ZNF143: variants seen among roughly 807,000 people sequenced by gnomAD.
The protein encoded by ZNF143 is SPH-binding factor.
Under a neutral mutation model 74.1 loss-of-function variants are expected in ZNF143, and 49 were observed. The ratio of observed to expected loss-of-function variants is 0.66; its 90% CI spans 0.53 to 0.84. The LOEUF (loss-of-function observed/expected upper bound fraction) is 0.84, where lower values mean the gene tolerates loss of function less well. Ranked by LOEUF, ZNF143 falls within the 40% of genes least tolerant of loss-of-function variation. The pLI, the probability that ZNF143 is intolerant of heterozygous loss-of-function variation, is 0.00. For synonymous variants in ZNF143, 304 were observed against 282.8 expected (o/e 1.07, Z -0.75); for missense variants, 637 against 793.4 (o/e 0.80, Z 2.37).
intron 1 of ZNF143, among the ~76,000 whole-genome samples, chr11:9,464,086 TTGTGTGTGTGTGTGTG>T: frequency 8.1e-6 from 1 of 124,128 alleles, no homozygotes; most frequent in African/African-American, 2.6e-5. Context: ...GTGTGTGTGT[TTGTGTGTGTGTGTGTG>T]TGTGTGTGTG....
intron 15 of ZNF143, among the ~76,000 whole-genome samples, chr11:9,527,168 T>C (rs1398331457): frequency 6.6e-6 from 1 of 150,636 alleles, no homozygotes; most frequent in Non-Finnish European, 1.5e-5. Flanking sequence ...TGGGGCGTTT[T>C]GCCATGTTGC....
At chr11:9,463,990 C>T (rs1301115593) in intron 1 of ZNF143, 2 of 151,938 alleles carry the variant, frequency 1.3e-5, no homozygotes, top group Non-Finnish European at 2.9e-5. Context: ...TCCCACTTAC[C>T]ATATATCTTG....
chr11:9,504,716 C>T (rs1848292396), intron 11 of ZNF143, among the ~76,000 whole-genome samples: 1 of 113,194 alleles, frequency 8.8e-6, no homozygotes, highest in African/African-American at 2.8e-5. Flanking sequence ...GCTCTGTTGC[C>T]CAGGCTGGAG....
chr11:9,484,799 G>GCTTTTTTTTTTT (rs1316309780), intron 7 of ZNF143, among the ~76,000 whole-genome samples: 2 of 24,244 alleles, frequency 8.2e-5, no homozygotes, highest in African/African-American at 1.9e-4. Flanking sequence ...CCTGGCCAAA[G>GCTTTTTTTTTTT]ATTTTTTTTT....
chr11:9,471,413 C>T lies in ZNF143; in HGVS notation c.105C>T (p.Thr35=), dbSNP rs563295110. Residue 35 remains threonine, a synonymous_variant, in exon 2 of 16, where the codon ACC becomes ACT. Transcript: ENST00000396602. The part of the protein sequence containing the change: ...HVTLCLTEAV[T]VADGDNLENM... ...CGCTGTGCTTGACAGAGGCAGTCAC[C>T]GTGGCAGGTGAGCAGTTGTGTTTGA... 70 of 1,597,392 alleles carry T rather than the reference C, an allele frequency of 4.4e-5. No homozygotes were observed. Among genetic ancestry groups the T allele is most frequent in the East Asian group, 3.4e-4 (15 of 44,070 alleles).
Position 9,494,836 on chromosome 11 carries a change from T to A in ZNF143, c.765+71T>A, listed in dbSNP as rs1847904514. 8 of 1,476,712 alleles carry A rather than the reference T, an allele frequency of 5.4e-6. No individual in the cohort carries two copies. In the Admixed American group the frequency reaches 1.6e-4, roughly 29 times the overall value. The allele number at this position is 1,476,712 out of a possible 1,614,324, so 91.5% of individuals were successfully genotyped here. A position where few individuals can be genotyped will look rare whatever the true frequency, so the allele number is the denominator to read the frequency against. ...ATATTAAATACTAAGATCATATTTTTGTGTAATTCAAATGCCACTGTTTTC... is the reference window on the plus strand; with the variant it reads ...ATATTAAATACTAAGATCATATTTTAGTGTAATTCAAATGCCACTGTTTTC... On this transcript the variant is annotated intron_variant, in intron 8 of 15. Coordinates refer to ENST00000396602, the MANE Select transcript of ZNF143 (RefSeq NM_003442.6).
chr11:9,479,394 T>C (rs921130923), intron 6 of ZNF143, 78 bp from the exon 7 acceptor site: 2 of 1,135,538 alleles, frequency 1.8e-6, no homozygotes, highest in Non-Finnish European at 2.5e-6. Context: ...TGCAAGCTTC[T>C]CCCTGAACCA....
At chr11:9,480,398 G>A (rs1396489296) in intron 7 of ZNF143, among the ~76,000 whole-genome samples, 2 of 150,704 alleles carry the variant, frequency 1.3e-5, no homozygotes, top group African/African-American at 4.9e-5. Context: ...CTTTATAGTA[G>A]TTTTTTTTTC....
At chr11:9,525,117 G>A in intron 14 of ZNF143, 123 bp from the exon 15 acceptor site, 1 of 1,138,700 alleles carries the variant, frequency 8.8e-7, no homozygotes, top group Non-Finnish European at 1.2e-6. Context: ...GCTTTGACAA[G>A]TCTATGGTCA....
chr11:9,496,607 C>CT (rs947838345), intron 9 of ZNF143, among the ~76,000 whole-genome samples: 51 of 148,246 alleles, frequency 3.4e-4, no homozygotes, highest in East Asian at 9.8e-4. Context: ...TTTTCTTTTT[C>CT]TTTTTTTTTG....
chr11:9,472,914 CT>C (rs35668857), intron 3 of ZNF143, 145 bp downstream of exon 3: 41,472 of 320,424 alleles, frequency 0.13, 12 homozygotes, highest in Middle Eastern at 0.22. Flanking sequence ...CAGTTTAATT[CT>C]TTTTTTTTTT....
chr11:9,511,308 T>C (rs1848535337), intron 12 of ZNF143, among the ~76,000 whole-genome samples: 1 of 151,374 alleles, frequency 6.6e-6, no homozygotes, highest in African/African-American at 2.4e-5. Flanking sequence ...TGTTTGTTTT[T>C]GTTATTGAGA....
chr11:9,486,371 A>ATAATAT (rs1477531952), intron 7 of ZNF143, among the ~76,000 whole-genome samples: 8 of 36,706 alleles, frequency 2.2e-4, no homozygotes, highest in African/African-American at 8.8e-4. Context: ...TATTATATAT[A>ATAATAT]ATATATTATA....
intron 1 of ZNF143, among the ~76,000 whole-genome samples, chr11:9,465,477 C>T (rs994501733): frequency 1.3e-5 from 2 of 151,274 alleles, no homozygotes; most frequent in East Asian, 2.0e-4. Context: ...AGCCACCGTG[C>T]CTGGCTGGTA....
intron 10 of ZNF143, among the ~76,000 whole-genome samples, chr11:9,500,570 A>T (rs921580072): frequency 6.6e-6 from 1 of 151,938 alleles, no homozygotes; most frequent in Non-Finnish European, 1.5e-5. Context: ...AGTAGCTGGG[A>T]TTACAGGCGC....
chr11:9,481,040 G>A (rs904001071), intron 7 of ZNF143, among the ~76,000 whole-genome samples: 2 of 152,150 alleles, frequency 1.3e-5, no homozygotes, highest in Non-Finnish European at 2.9e-5. Flanking sequence ...TTGATGCTGT[G>A]TGATTCGTAG....
chr11:9,492,895 A>G (rs941763648), intron 7 of ZNF143, among the ~76,000 whole-genome samples: 1 of 152,186 alleles, frequency 6.6e-6, no homozygotes, highest in Non-Finnish European at 1.5e-5. Context: ...TATATATCAC[A>G]GGTTTGCTGA....
chr11:9,469,131 CAAAA>C (rs1216508959), intron 1 of ZNF143, among the ~76,000 whole-genome samples: 2 of 111,678 alleles, frequency 1.8e-5, no homozygotes, highest in African/African-American at 6.6e-5. Flanking sequence ...GATGCCATCT[CAAAA>C]AAAAAAAAGT....
In ZNF143 at chr11:9,484,041, C is replaced by T. The variant is rs546086145; in HGVS notation, c.645+4495C>T. ...GGGATTACAGGCGTGAGCCACCACA[C>T]CCAGCTCAGTAAATTTTTAATCACA... On this transcript the variant is annotated intron_variant, in intron 7 of 15. Coordinates refer to ENST00000396602, the MANE Select transcript of ZNF143 (RefSeq NM_003442.6). 3.5e-4 allele frequency among the ~76,000 whole-genome samples: 53 copies of T among 151,682 alleles called. 2 individuals carry two copies. Among genetic ancestry groups the T allele is most frequent in the African/African-American group, 1.2e-3 (51 of 41,008 alleles).
Sources: gnomAD v4.1 joint callset for allele counts (sites outside exome capture counted in the v4.1 genomes callset) on GRCh38, gnomAD v4.1.1 for gene constraint, MANE v1.5 for transcripts, NCBI Gene and HGNC (gene_info 2026-07-23, HGNC 2026-07-21) for gene names.